MAPRE1: variants seen among roughly 807,000 people sequenced by gnomAD.
MAPRE1 encodes microtubule-associated protein RP/EB family member 1.
A neutral mutation model predicts 32.1 loss-of-function variants in MAPRE1; 5 were observed. The ratio of observed to expected loss-of-function variants is 0.16; its 90% CI spans 0.08 to 0.33. The LOEUF is 0.33. MAPRE1 is among the 10% of genes least tolerant of loss of function. MAPRE1 has a pLI of 1.00. For missense variants in MAPRE1, 209 were observed against 327.2 expected (o/e 0.64, Z 2.79); for synonymous variants, 122 against 118.9 (o/e 1.03, Z -0.17).
intron 3 of MAPRE1, among the ~76,000 whole-genome samples, chr20:32,835,924 A>C (rs1983188882): frequency 6.6e-6 from 1 of 151,718 alleles, no homozygotes; most frequent in South Asian, 2.1e-4. Flanking sequence ...TCTTGAACAC[A>C]GTTCATTGTA....
At chr20:32,826,134 C>T in intron 2 of MAPRE1, 86 bp downstream of exon 2, 1 of 1,324,554 alleles carries the variant, frequency 7.5e-7, no homozygotes, top group Non-Finnish European at 1.0e-6. Context: ...TGCAAAGCCA[C>T]ACACAGAGGT....
At chr20:32,845,784 A>G (rs1983490880) in intron 5 of MAPRE1, among the ~76,000 whole-genome samples, 1 of 152,094 alleles carries the variant, frequency 6.6e-6, no homozygotes, top group Non-Finnish European at 1.5e-5. Flanking sequence ...GACATGCTTC[A>G]GTTTTTGTGG....
chr20:32,825,690 G>C (rs892152910), intron 1 of MAPRE1, among the ~76,000 whole-genome samples: 2 of 152,120 alleles, frequency 1.3e-5, no homozygotes, highest in African/African-American at 4.8e-5. Context: ...AGCTACTCGG[G>C]AGGCTGAGGC....
At chr20:32,839,651 C>T (rs1555847438) in intron 4 of MAPRE1, 84 bp from the exon 5 acceptor site, 4 of 1,570,578 alleles carry the variant, frequency 2.5e-6, no homozygotes, top group Non-Finnish European at 3.5e-6. Context: ...CAGATGGTCA[C>T]AGCTTCTCCA....
rs1205544660 is a variant in MAPRE1 at position 32,820,039 on chromosome 20, T to C, written c.-4+11T>C. 6.6e-6 allele frequency: 1 copy of C among 151,312 alleles called. No individual in the cohort carries two copies. Among genetic ancestry groups the C allele is most frequent in the African/African-American group, 2.4e-5 (1 of 40,958 alleles). The allele number at this position is 151,312 out of a possible 1,614,324, so 9.4% of individuals were successfully genotyped here. A position where few individuals can be genotyped will look rare whatever the true frequency, so the allele number is the denominator to read the frequency against. On this transcript the variant is annotated intron_variant, in intron 1 of 6. Transcript: ENST00000375571. ...TTCTGCCGAGAGCCGGTGAGCCGGC[T>C]AGCGGGCCCGGGGGGTGCGGCTGGG... is the stretch of plus-strand genomic sequence containing the variant.
chr20:32,823,943 GT>G (rs1468321116), intron 1 of MAPRE1, among the ~76,000 whole-genome samples: 1 of 152,168 alleles, frequency 6.6e-6, no homozygotes, highest in Non-Finnish European at 1.5e-5. Context: ...AACTCCTTCT[GT>G]TCCCACCTCA....
chr20:32,841,669 A>G (rs1419935082), intron 5 of MAPRE1, among the ~76,000 whole-genome samples: 3 of 121,420 alleles, frequency 2.5e-5, no homozygotes, highest in African/African-American at 3.2e-5. Flanking sequence ...TCCTGTGTCC[A>G]TGTGTTCTCA....
intron 2 of MAPRE1, among the ~76,000 whole-genome samples, chr20:32,832,806 G>A (rs1373879270): frequency 8.8e-6 from 1 of 113,566 alleles, no homozygotes; most frequent in Non-Finnish European, 1.8e-5. Flanking sequence ...CCAGAGTTTC[G>A]CTTTTTTTTT....
At chr20:32,822,336 G>T (rs1440201147) in intron 1 of MAPRE1, among the ~76,000 whole-genome samples, 1 of 152,144 alleles carries the variant, frequency 6.6e-6, no homozygotes. Flanking sequence ...TTTGCGCACA[G>T]TATTTTGTTC....
chr20:32,842,495 T>C (rs1320600647), intron 5 of MAPRE1, among the ~76,000 whole-genome samples: 1 of 152,230 alleles, frequency 6.6e-6, no homozygotes, highest in Non-Finnish European at 1.5e-5. Context: ...CTTGGAGAGG[T>C]TAAATAACTT....
At chr20:32,842,067 T>C (rs1423217604) in intron 5 of MAPRE1, among the ~76,000 whole-genome samples, 2 of 151,872 alleles carry the variant, frequency 1.3e-5, no homozygotes, top group African/African-American at 4.8e-5. Context: ...GCCAACATTT[T>C]ATTTATTTAT....
At chr20:32,845,007 GT>G (rs1983466008) in intron 5 of MAPRE1, among the ~76,000 whole-genome samples, 1 of 134,670 alleles carries the variant, frequency 7.4e-6, no homozygotes. Flanking sequence ...ATGTATGTAT[GT>G]ATGTATGTAT....
intron 3 of MAPRE1, among the ~76,000 whole-genome samples, chr20:32,835,014 A>T (rs1184798069): frequency 6.6e-6 from 1 of 152,178 alleles, no homozygotes; most frequent in Non-Finnish European, 1.5e-5. Context: ...TGGATATATT[A>T]TTGGATATAT....
At chr20:32,827,183 A>T (rs1818211192) in intron 2 of MAPRE1, among the ~76,000 whole-genome samples, 1 of 152,148 alleles carries the variant, frequency 6.6e-6, no homozygotes, top group South Asian at 2.1e-4. Flanking sequence ...AGGCAGGCAG[A>T]TCACCTGAGG....
chr20:32,837,206 G>A (rs1034865208), intron 4 of MAPRE1, among the ~76,000 whole-genome samples: 1 of 152,222 alleles, frequency 6.6e-6, no homozygotes, highest in African/African-American at 2.4e-5. Context: ...CAAAACAAGG[G>A]CATTTTTACA....
chr20:32,828,406 G>T (rs1407344008), intron 2 of MAPRE1, among the ~76,000 whole-genome samples: 2 of 152,146 alleles, frequency 1.3e-5, no homozygotes, highest in African/African-American at 4.8e-5. Flanking sequence ...TAGTTAATTG[G>T]AAAATGTGAT....
At chr20:32,846,881 TTTAACCCC>T in intron 6 of MAPRE1, 111 bp downstream of exon 6, 1 of 1,204,612 alleles carries the variant, frequency 8.3e-7, no homozygotes, top group South Asian at 1.4e-5. Context: ...AGACTTCATC[TTTAACCCC>T]TCAAAGTCAG....
At chr20:32,836,609 G>A (rs1457710963) in intron 3 of MAPRE1, 25 bp from the exon 4 acceptor site, 3 of 1,436,282 alleles carry the variant, frequency 2.1e-6, no homozygotes, top group African/African-American at 1.4e-5. Flanking sequence ...CTTTTTTGGG[G>A]CTAAACAGTT....
intron 1 of MAPRE1, among the ~76,000 whole-genome samples, chr20:32,822,684 A>G (rs1982735863): frequency 6.6e-6 from 1 of 152,072 alleles, no homozygotes; most frequent in African/African-American, 2.4e-5. Context: ...AGGTACATTG[A>G]GTTTAAGTAA....
Sources: allele counts gnomAD v4.1 joint callset (sites outside exome capture counted in the v4.1 genomes callset), GRCh38; gene constraint gnomAD v4.1.1; transcripts MANE v1.5; gene names NCBI Gene and HGNC (gene_info 2026-07-23, HGNC 2026-07-21).